Variants in CPAMD8 observed in about 807,000 individuals in gnomAD.
CPAMD8 encodes C3 and PZP-like alpha-2-macroglobulin domain-containing protein 8.
In CPAMD8, 146 loss-of-function variants were observed where a neutral mutation model predicts 224.7. That is an observed-to-expected ratio of 0.65 (90% confidence interval 0.57 to 0.75). The LOEUF is 0.75. CPAMD8 is among the 30% of genes least tolerant of loss of function. The probability of loss-of-function intolerance (pLI) is 0.00; values close to 1 mark genes in which losing one functional copy is unlikely to be tolerated. For synonymous variants in CPAMD8, 966 were observed against 1,044.6 expected (o/e 0.92, Z 1.45); for missense variants, 2,301 against 2,537.5 (o/e 0.91, Z 2.00).
intron 20 of CPAMD8, among the ~76,000 whole-genome samples, chr19:16,947,894 T>C (rs1182595705): frequency 6.6e-6 from 1 of 152,116 alleles, no homozygotes; most frequent in Non-Finnish European, 1.5e-5. Flanking sequence ...GGTACAGAGG[T>C]GCTATGGATG....
chr19:16,944,404 G>A (rs112025499), intron 22 of CPAMD8, among the ~76,000 whole-genome samples: 35 of 152,336 alleles, frequency 2.3e-4, no homozygotes, highest in African/African-American at 7.5e-4. Context: ...TGGATGGGAG[G>A]AAAGGCTCCA....
chr19:16,948,909 A>G (rs1381741520), intron 20 of CPAMD8, among the ~76,000 whole-genome samples: 2 of 73,778 alleles, frequency 2.7e-5, no homozygotes, highest in African/African-American at 1.3e-4. Flanking sequence ...AAGGGAAGGG[A>G]AGGGAAAGGA....
intron 30 of CPAMD8, among the ~76,000 whole-genome samples, chr19:16,906,402 CTT>C (rs1568459834): frequency 1.7e-4 from 16 of 94,198 alleles, no homozygotes; most frequent in African/African-American, 6.5e-4. Flanking sequence ...TTCTTTCTTT[CTT>C]TCTTTCCTTC....
chr19:16,924,369 G>A (rs775768535), intron 26 of CPAMD8, among the ~76,000 whole-genome samples: 24 of 152,078 alleles, frequency 1.6e-4, no homozygotes, highest in Non-Finnish European at 3.2e-4. Context: ...TTATTCACGA[G>A]GAGGGCTCAT....
chr19:17,001,620 A>T (rs186019534), intron 9 of CPAMD8, among the ~76,000 whole-genome samples: 45 of 152,176 alleles, frequency 3.0e-4, no homozygotes, highest in African/African-American at 9.9e-4. Context: ...GGACACCAGC[A>T]TGGAAACAAA....
In CPAMD8 at chr19:17,026,539, GAGGATAC is replaced by G; in HGVS notation, c.92+5_92+11del. On this transcript the variant is annotated splice_donor_5th_base_variant and intron_variant, in intron 1 of 41. Coordinates refer to ENST00000443236, the MANE Select transcript of CPAMD8 (RefSeq NM_015692.5). ...AGGCGACCGACCTCCTCTGTCGCCG[GAGGATAC>G]TCACGGGGCCTGAGGCTGCGCGGCG... is the stretch of plus-strand genomic sequence containing the variant. 1 of 1,497,620 alleles carries G rather than the reference GAGGATAC, an allele frequency of 6.7e-7. No homozygotes were observed. Among genetic ancestry groups the G allele is most frequent in the Non-Finnish European group, 8.8e-7 (1 of 1,132,890 alleles). 92.8% of individuals were successfully genotyped at this position (1,497,620 alleles called of 1,614,324 possible). A position where few individuals can be genotyped will look rare whatever the true frequency, so the allele number is the denominator to read the frequency against.
intron 6 of CPAMD8, 94 bp from the exon 7 acceptor site, chr19:17,008,653 G>T: frequency 2.2e-6 from 3 of 1,368,710 alleles, no homozygotes; most frequent in South Asian, 2.3e-5. Context: ...TCTCTCTTGG[G>T]CATGTCAACC....
chr19:16,999,088 T>C (rs2056226769), intron 10 of CPAMD8, among the ~76,000 whole-genome samples: 1 of 152,088 alleles, frequency 6.6e-6, no homozygotes, highest in Non-Finnish European at 1.5e-5. Flanking sequence ...CAAAAGGACA[T>C]ATAGCATATG....
chr19:16,899,472 T>C lies in CPAMD8; in HGVS notation c.4848+3A>G. On this transcript the variant is annotated splice_donor_region_variant and intron_variant, in intron 37 of 41. Transcript: ENST00000443236. The surrounding 1 kb of genome is among the most constrained non-coding windows in gnomAD (Gnocchi z 5.4). ...CTCCTCCACCAACCCCGGCTGGTGGTACCTCATCAAAGTAGAAGAGCACTC... is the reference window on the plus strand; with the variant it reads ...CTCCTCCACCAACCCCGGCTGGTGGCACCTCATCAAAGTAGAAGAGCACTC... 6.8e-7 allele frequency: 1 copy of C among 1,461,660 alleles called. No homozygotes were observed. The highest frequency in any genetic ancestry group is 9.6e-7 in the Non-Finnish European group (1 of 1,041,534). The allele number at this position is 1,461,660 out of a possible 1,614,324, so 90.5% of individuals were successfully genotyped here. A position where few individuals can be genotyped will look rare whatever the true frequency, so the allele number is the denominator to read the frequency against.
At chr19:16,987,408 G>A (rs1411422062) in intron 13 of CPAMD8, among the ~76,000 whole-genome samples, 5 of 151,532 alleles carry the variant, frequency 3.3e-5, no homozygotes, top group East Asian at 1.9e-4. Context: ...CCTACTGAAC[G>A]TGAAGATGAC....
chr19:16,893,624 G>A (rs764060888), intron 41 of CPAMD8: 18 of 341,306 alleles, frequency 5.3e-5, no homozygotes, highest in Non-Finnish European at 9.1e-5. Flanking sequence ...AAGTCTGCTG[G>A]TACTGGTGGC....
intron 19 of CPAMD8, among the ~76,000 whole-genome samples, chr19:16,953,536 C>G (rs1286022527): frequency 6.7e-6 from 1 of 149,498 alleles, no homozygotes; most frequent in South Asian, 2.1e-4. Context: ...CCTATCTTTA[C>G]AAAAAATTAA....
At chr19:16,989,826 T>C (rs902362300) in intron 12 of CPAMD8, 55 bp from the exon 13 acceptor site, 2 of 1,565,994 alleles carry the variant, frequency 1.3e-6, no homozygotes, top group Non-Finnish European at 1.7e-6. Flanking sequence ...AGAAAGGGGG[T>C]CTTGGGGATG....
At chr19:16,966,072 C>G (rs899186481) in intron 18 of CPAMD8, among the ~76,000 whole-genome samples, 2 of 152,156 alleles carry the variant, frequency 1.3e-5, no homozygotes, top group South Asian at 2.1e-4. Context: ...GGAGGCATCA[C>G]GCTACCTGAG....
chr19:16,947,113 C>G lies in CPAMD8; in HGVS notation c.2623G>C (p.Val875Leu), dbSNP rs199613595. 6.2e-7 allele frequency: 1 copy of G among 1,613,198 alleles called. No homozygotes were observed. Among genetic ancestry groups the G allele is most frequent in the East Asian group, 2.2e-5 (1 of 44,826 alleles). The change falls in exon 21 of 42, where the codon GTT becomes CTT. Residue 875 changes from valine (V) to leucine (L), a missense_variant. By Grantham distance (32) the Val-to-Leu change is conservative (BLOSUM62 1). Transcript: ENST00000443236. The stretch of plus-strand genomic sequence containing the variant: ...AGTCCCAGGTCGCTGAAGGACAGAA[C>G]GACCCAGATGGGCTCAGCCTCCCCG... ...APGEAEPIWVVLSFSDLGLNN... is the reference protein window; with the variant it reads ...APGEAEPIWVLLSFSDLGLNN...
rs554571572 is a variant in CPAMD8 at position 16,993,837 on chromosome 19, C to T, written c.1096-251G>A. Among the ~76,000 whole-genome samples, 14 of 152,314 alleles carry T rather than the reference C, an allele frequency of 9.2e-5. No homozygotes were observed. In the South Asian group the frequency reaches 2.9e-3, roughly 32 times the overall value. On this transcript the variant is annotated intron_variant, in intron 11 of 41. Transcript: ENST00000443236. ...CCTGTGGTCCCAGCTACTCAAGAGG[C>T]TTCCAAGGCAGACATGGAAGCCGGA...
chr19:16,975,969 G>A, intron 16 of CPAMD8, 33 bp downstream of exon 16: 1 of 1,520,660 alleles, frequency 6.6e-7, no homozygotes, highest in Non-Finnish European at 8.8e-7. Flanking sequence ...GCCCCGTGGA[G>A]GTCTAGAACC....
intron 1 of CPAMD8, among the ~76,000 whole-genome samples, chr19:17,024,553 A>C (rs1273829652): frequency 6.6e-6 from 1 of 152,216 alleles, no homozygotes; most frequent in East Asian, 1.9e-4. Flanking sequence ...AGAGAGAGTA[A>C]GGAATACGTG....
In CPAMD8 at chr19:17,020,165, G is replaced by C. The variant is rs10402701; in HGVS notation, c.267+166C>G. On this transcript the variant is annotated intron_variant, in intron 3 of 41. Coordinates refer to ENST00000443236, the MANE Select transcript of CPAMD8 (RefSeq NM_015692.5). ...AATTTTGTATTTTTAGTAGAGATGC[G>C]GTTTCACCATGTTGCCCAGGCTGAT... Among the ~76,000 whole-genome samples the C allele has an allele frequency of 0.1, 15,075 of 150,954 alleles. 932 individuals are homozygous for C. Among genetic ancestry groups the C allele is most frequent in the African/African-American group, 0.18 (7,440 of 41,056 alleles).
Sources: gnomAD v4.1 joint callset for allele counts (sites outside exome capture counted in the v4.1 genomes callset) on GRCh38, gnomAD v4.1.1 for gene constraint, Gnocchi (gnomAD v3.1) non-coding constraint, MANE v1.5 for transcripts, NCBI Gene and HGNC (gene_info 2026-07-23, HGNC 2026-07-21) for gene names.